The following KAT6B variants were observed in gnomAD, a reference collection of about 807,000 sequenced individuals.
The protein encoded by KAT6B is histone acetyltransferase KAT6B.
In KAT6B, 10 loss-of-function variants were observed where a neutral mutation model predicts 187.5. The ratio of observed to expected loss-of-function variants is 0.05; its 90% CI spans 0.03 to 0.09. The LOEUF (loss-of-function observed/expected upper bound fraction) is 0.09. Among genes scored for constraint, KAT6B ranks in the 10% least tolerant of loss-of-function variants. The pLI, the probability that KAT6B is intolerant of heterozygous loss-of-function variation, is 1.00. For synonymous variants in KAT6B, 861 were observed against 926.8 expected (o/e 0.93, Z 1.29); for missense variants, 1,952 against 2,558.9 (o/e 0.76, Z 5.12).
At chr10:74,875,054 T>C (rs1033381195) in intron 3 of KAT6B, among the ~76,000 whole-genome samples, 6 of 152,180 alleles carry the variant, frequency 3.9e-5, no homozygotes, top group African/African-American at 1.4e-4. Context: ...TAGTTTACAT[T>C]AGGGTTTACT....
At position 74,989,360 on chromosome 10, in the gene KAT6B, C is replaced by CA. The variant is rs1201201665; in HGVS notation, c.2629+248_2629+249insA. ...AGGCCTCATGCACAAAGCCATTACC[C>CA]TGAATGAACCGACAGAATTACATTC... On this transcript the variant is annotated intron_variant, in intron 13 of 17. Transcript: ENST00000287239. 2.0e-5 allele frequency among the ~76,000 whole-genome samples: 3 copies of CA among 152,180 alleles called. No homozygotes were observed. In the South Asian group the frequency reaches 6.2e-4, roughly 31 times the overall value.
At chr10:74,914,007 G>A (rs572946746) in intron 3 of KAT6B, among the ~76,000 whole-genome samples, 24 of 152,146 alleles carry the variant, frequency 1.6e-4, no homozygotes, top group Non-Finnish European at 2.5e-4. Flanking sequence ...GCAACATGGT[G>A]AAACCCTGTC....
intron 13 of KAT6B, among the ~76,000 whole-genome samples, chr10:75,007,611 T>C (rs983772757): frequency 6.6e-6 from 1 of 152,206 alleles, no homozygotes; most frequent in African/African-American, 2.4e-5. Flanking sequence ...TAGAAAGTTT[T>C]CTGGAGTAGC....
Position 75,022,171 on chromosome 10 carries a change from A to C in KAT6B, c.3312A>C (p.Glu1104Asp). 6.2e-7 allele frequency: 1 copy of C among 1,608,916 alleles called. No individual in the cohort carries two copies. The highest frequency in any genetic ancestry group is 8.5e-7 in the Non-Finnish European group (1 of 1,178,486). ...AGGAAGAAGAAGAAGAAGAAGAAGA[A>C]AATATTCAAAGCTCTCCCCCAAGAT... The part of the protein sequence containing the change: ...EEEEEEEEEE[E>D]NIQSSPPRLT... Residue 1104 changes from glutamate (E) to aspartate (D), a missense_variant, in exon 16 of 18, where the codon GAA (glutamate) becomes GAC (aspartate). Coordinates refer to ENST00000287239, the MANE Select transcript of KAT6B (RefSeq NM_012330.4).
chr10:74,857,747 A>T (rs1454121661), intron 3 of KAT6B, among the ~76,000 whole-genome samples: 3 of 152,200 alleles, frequency 2.0e-5, no homozygotes, highest in Non-Finnish European at 4.4e-5. Context: ...GGCCAGGTGC[A>T]GGTAGCTCAC....
chr10:74,912,613 T>G (rs756261495), intron 3 of KAT6B, among the ~76,000 whole-genome samples: 26 of 152,198 alleles, frequency 1.7e-4, no homozygotes, highest in Non-Finnish European at 2.9e-4. Context: ...TATCCCTCCC[T>G]CTTTCTTTAA....
intron 1 of KAT6B, among the ~76,000 whole-genome samples, chr10:74,833,610 A>G (rs1005576370): frequency 3.3e-5 from 5 of 152,252 alleles, no homozygotes; most frequent in African/African-American, 7.2e-5. Context: ...GGAAACCATA[A>G]TAGTTTATTG....
rs913284860 is a variant in KAT6B, at chr10:74,952,843, C to G, written c.622-7127C>G. 4.8e-5 allele frequency among the ~76,000 whole-genome samples: 6 copies of G among 125,416 alleles called. No homozygotes were observed. In the South Asian group the frequency reaches 7.9e-4, roughly 16 times the overall value. 82.3% of individuals were successfully genotyped at this position (125,416 alleles called of 152,430 possible). A position where few individuals can be genotyped will look rare whatever the true frequency, so the allele number is the denominator to read the frequency against. ...CTGGGATTACAGGCACCATGCCTGG[C>G]TAATTTTTTTTTTTTTTTTTTTTTT... is the stretch of plus-strand genomic sequence containing the variant. On this transcript the variant is annotated intron_variant, in intron 3 of 17. Coordinates refer to ENST00000287239, the MANE Select transcript of KAT6B (RefSeq NM_012330.4).
chr10:74,870,971 G>A (rs891099291), intron 3 of KAT6B, among the ~76,000 whole-genome samples: 3 of 149,728 alleles, frequency 2.0e-5, no homozygotes, highest in Admixed American at 6.7e-5. Context: ...TCTGCCTCCC[G>A]GGTTCAAGTA....
chr10:74,891,783 T>C (rs1845661073), intron 3 of KAT6B, among the ~76,000 whole-genome samples: 1 of 152,256 alleles, frequency 6.6e-6, no homozygotes, highest in African/African-American at 2.4e-5. Flanking sequence ...TATTGGCATG[T>C]AACGTGGACT....
At chr10:74,975,251 G>A in intron 7 of KAT6B, 148 bp from the exon 8 acceptor site, 1 of 693,838 alleles carries the variant, frequency 1.4e-6, no homozygotes, top group Non-Finnish European at 2.5e-6. Context: ...CTTTCCAACA[G>A]AGAAACATCT....
chr10:74,892,421 A>C (rs1166873295), intron 3 of KAT6B, among the ~76,000 whole-genome samples: 1 of 151,882 alleles, frequency 6.6e-6, no homozygotes, highest in East Asian at 1.9e-4. Context: ...AATTATCAAG[A>C]TTTTCTTCCT....
intron 3 of KAT6B, among the ~76,000 whole-genome samples, chr10:74,869,120 G>A (rs1413401039): frequency 6.6e-6 from 1 of 152,026 alleles, no homozygotes; most frequent in Non-Finnish European, 1.5e-5. Flanking sequence ...AATTTTGAAG[G>A]GTGAAACACT....
chr10:75,002,361 T>C (rs1843897849), intron 13 of KAT6B, among the ~76,000 whole-genome samples: 1 of 150,462 alleles, frequency 6.6e-6, no homozygotes, highest in African/African-American at 2.5e-5. Context: ...CTCTCTCTCT[T>C]TTTAGTGGCA....
At position 75,029,002 on chromosome 10, in the gene KAT6B, C is replaced by T; in HGVS notation, c.4178C>T (p.Pro1393Leu). 6.2e-7 allele frequency: 1 copy of T among 1,613,890 alleles called. No individual in the cohort carries two copies. Among genetic ancestry groups the T allele is most frequent in the Non-Finnish European group, 8.5e-7 (1 of 1,179,994 alleles). ...GCTAAAAGCCAAGAAAAAGAGGAAC[C>T]AGAAATCTCCACGGAAAAAGAAGAC... ...DGAKSQEKEE[P>L]EISTEKEDSA... is the part of the protein sequence containing the mutation. The change falls in exon 18 of 18, where the codon CCA (proline) becomes CTA (leucine). Residue 1393 changes from proline (P) to leucine (L), a missense_variant. Coordinates refer to ENST00000287239, the MANE Select transcript of KAT6B (RefSeq NM_012330.4). The surrounding 1 kb of genome is among the most constrained non-coding windows in gnomAD (Gnocchi z 6.2).
chr10:74,982,605 A>G (rs866955644), intron 11 of KAT6B: 3 of 152,746 alleles, frequency 2.0e-5, no homozygotes, highest in African/African-American at 7.2e-5. Context: ...GATTCCGTTA[A>G]GCTGAGTCAG....
chr10:74,834,656 G>T (rs1485929780), intron 1 of KAT6B, among the ~76,000 whole-genome samples: 1 of 152,088 alleles, frequency 6.6e-6, no homozygotes, highest in Non-Finnish European at 1.5e-5. Context: ...CGAGTAGCTG[G>T]GTCTACAGGT....
intron 3 of KAT6B, among the ~76,000 whole-genome samples, chr10:74,853,640 T>TTA: frequency 6.9e-6 from 1 of 145,072 alleles, no homozygotes; most frequent in South Asian, 2.2e-4. Context: ...TTTTTTTTTT[T>TTA]AATTTGAGAT....
At chr10:74,877,945 A>G (rs78572804) in intron 3 of KAT6B, among the ~76,000 whole-genome samples, 3,313 of 152,158 alleles carry the variant, frequency 0.022, 51 homozygotes, top group Middle Eastern at 0.051. Context: ...AAAAAAAAGC[A>G]TGCTGGTTGT....
Sources: gnomAD v4.1 joint callset for allele counts (sites outside exome capture counted in the v4.1 genomes callset) on GRCh38, gnomAD v4.1.1 for gene constraint, Gnocchi (gnomAD v3.1) non-coding constraint, MANE v1.5 for transcripts, NCBI Gene and HGNC (gene_info 2026-07-23, HGNC 2026-07-21) for gene names.